Variants in CLMN observed in about 807,000 individuals in gnomAD.
CLMN encodes the protein calmin (calponin-like, transmembrane).
A neutral mutation model predicts 92.7 loss-of-function variants in CLMN; 57 were observed. That is an observed-to-expected ratio of 0.61 (90% CI 0.50 to 0.77). The LOEUF (loss-of-function observed/expected upper bound fraction) is 0.77, where lower values mean the gene tolerates loss of function less well. CLMN is among the 30% of genes least tolerant of loss of function. The pLI is 0.00. For missense variants in CLMN, 1,158 were observed against 1,237.5 expected, an observed-to-expected ratio of 0.94 and a Z score of 0.96; for synonymous variants, 466 against 470.6, an observed-to-expected ratio of 0.99 and a Z score of 0.13.
At chr14:95,233,403 C>T (rs991095199) in intron 1 of CLMN, among the ~76,000 whole-genome samples, 5 of 151,808 alleles carry the variant, frequency 3.3e-5, no homozygotes, top group Admixed American at 3.3e-4. Context: ...ATTTATCCAT[C>T]CATTCATCCA....
Position 95,319,803 on chromosome 14 carries a change from C to G in CLMN, c.-11G>C, listed in dbSNP as rs780722872. ...CTCGTGTGCAGCCATGAAGCGCGGG[C>G]GGGAGAGCCCGGGCCAGCGCGGCGC... On this transcript the variant is annotated 5_prime_UTR_variant, in exon 1 of 13. Coordinates refer to ENST00000298912, the MANE Select transcript of CLMN (RefSeq NM_024734.4). 2 of 1,493,310 alleles carry G rather than the reference C, an allele frequency of 1.3e-6. No individual in the cohort carries two copies. The highest frequency in any genetic ancestry group is 1.8e-6 in the Non-Finnish European group (2 of 1,119,704). The allele number at this position is 1,493,310 out of a possible 1,614,324, so 92.5% of individuals were successfully genotyped here. A position where few individuals can be genotyped will look rare whatever the true frequency, so the allele number is the denominator to read the frequency against.
At chr14:95,230,201 C>G in intron 1 of CLMN, 68 bp from the exon 2 acceptor site, 28 of 1,386,564 alleles carry the variant, frequency 2.0e-5, no homozygotes, top group Non-Finnish European at 2.5e-5. Context: ...CTTCCCCTTC[C>G]CAAGGGGAGA....
rs967646275 is a variant in CLMN at position 95,184,514 on chromosome 14, G to A, written c.*7050C>T. 1 of 152,180 alleles carries A rather than the reference G, an allele frequency of 6.6e-6. No homozygotes were observed. The highest frequency in any genetic ancestry group is 2.4e-5 in the African/African-American group (1 of 41,450). 9.4% of individuals were successfully genotyped at this position (152,180 alleles called of 1,614,324 possible). A position where few individuals can be genotyped will look rare whatever the true frequency, so the allele number is the denominator to read the frequency against. On this transcript the variant is annotated 3_prime_UTR_variant, in exon 13 of 13. Coordinates refer to ENST00000298912, the MANE Select transcript of CLMN (RefSeq NM_024734.4). ...TTGTCTTTTTCCCATAGACAAGAAT[G>A]TTTTTTGGCATGTTGCTCCAGCCCT...
At chr14:95,298,721 G>A (rs1003310632) in intron 1 of CLMN, among the ~76,000 whole-genome samples, 3 of 152,202 alleles carry the variant, frequency 2.0e-5, no homozygotes, top group African/African-American at 4.8e-5. Context: ...GAAGACAGCA[G>A]GAGAGACAGA....
chr14:95,238,111 G>GCCC (rs1566886285), intron 1 of CLMN, among the ~76,000 whole-genome samples: 2 of 152,094 alleles, frequency 1.3e-5, no homozygotes, highest in Admixed American at 6.5e-5. Context: ...CCCTCAGACG[G>GCCC]CCCCTGCCTG....
intron 1 of CLMN, among the ~76,000 whole-genome samples, chr14:95,318,449 C>T (rs1901890550): frequency 6.6e-6 from 1 of 152,198 alleles, no homozygotes; most frequent in South Asian, 2.1e-4. Context: ...GTCACCTCTG[C>T]CGGCACTGTC....
intron 2 of CLMN, among the ~76,000 whole-genome samples, chr14:95,225,017 C>T (rs548622662): frequency 1.8e-3 from 270 of 152,190 alleles, no homozygotes; most frequent in Non-Finnish European, 3.0e-3. Context: ...CCTCACCCCA[C>T]GTGTGTAGAC....
At chr14:95,288,445 AG>A (rs1385767943) in intron 1 of CLMN, among the ~76,000 whole-genome samples, 34 of 152,210 alleles carry the variant, frequency 2.2e-4, no homozygotes, top group Admixed American at 9.8e-4. Context: ...GCAAAGGCCG[AG>A]AGGTAAGACA....
Position 95,194,526 on chromosome 14 carries a change from A to G in CLMN, c.2769+10T>C, listed in dbSNP as rs1566856828. On this transcript the variant is annotated intron_variant, in intron 11 of 12. Coordinates refer to ENST00000298912, the MANE Select transcript of CLMN (RefSeq NM_024734.4). The surrounding 1 kb of genome is among the most constrained non-coding windows in gnomAD (Gnocchi z 4.0). ...GGCCGTGCGGAAAGAGAAGAAATTCACATACTAACCGATTCCGAAGACCTA... is the reference window on the plus strand; with the variant it reads ...GGCCGTGCGGAAAGAGAAGAAATTCGCATACTAACCGATTCCGAAGACCTA... The G allele has an allele frequency of 1.2e-6, 2 of 1,614,170 alleles. No homozygotes were observed. The highest frequency in any genetic ancestry group is 1.7e-6 in the Non-Finnish European group (2 of 1,179,998).
At chr14:95,213,486 T>A (rs955712203) in intron 5 of CLMN, 77 bp from the exon 6 acceptor site, 3 of 1,395,584 alleles carry the variant, frequency 2.1e-6, no homozygotes, top group Admixed American at 4.7e-5. Flanking sequence ...CGGGTGGCCA[T>A]ATGGACCATG....
intron 1 of CLMN, among the ~76,000 whole-genome samples, chr14:95,267,813 A>T (rs1899536158): frequency 6.6e-6 from 1 of 152,256 alleles, no homozygotes; most frequent in Admixed American, 6.5e-5. Flanking sequence ...AATGTGCTAT[A>T]TATACACACA....
At chr14:95,220,303 C>T (rs568619704) in intron 4 of CLMN, among the ~76,000 whole-genome samples, 7 of 151,440 alleles carry the variant, frequency 4.6e-5, no homozygotes, top group South Asian at 2.1e-4. Context: ...CAGCCTCCCT[C>T]GTAGCTAGGA....
intron 1 of CLMN, among the ~76,000 whole-genome samples, chr14:95,233,307 T>C (rs893822127): frequency 6.6e-6 from 1 of 152,046 alleles, no homozygotes; most frequent in African/African-American, 2.4e-5. Flanking sequence ...AACTCATCTA[T>C]CCATCCATCC....
chr14:95,253,042 C>G (rs564240341), intron 1 of CLMN, among the ~76,000 whole-genome samples: 163 of 152,184 alleles, frequency 1.1e-3, no homozygotes, highest in Middle Eastern at 0.01. Flanking sequence ...TTTTAGGAAC[C>G]CCCCTGAACT....
chr14:95,200,550 C>T (rs1896848816), intron 9 of CLMN, among the ~76,000 whole-genome samples: 1 of 152,158 alleles, frequency 6.6e-6, no homozygotes, highest in Non-Finnish European at 1.5e-5. Flanking sequence ...GACTCACCTC[C>T]TGGATCCCCA....
At chr14:95,210,971 G>C (rs1897182489) in intron 6 of CLMN, 92 bp from the exon 7 acceptor site, 9 of 1,351,492 alleles carry the variant, frequency 6.7e-6, no homozygotes, top group South Asian at 1.5e-5. Flanking sequence ...GTGAGTTTTT[G>C]AGTGGGGCAG....
chr14:95,204,049 TGTAG>T lies in CLMN; in HGVS notation c.1296_1299del (p.Tyr433ArgfsTer24). 1 of 1,614,162 alleles carries T rather than the reference TGTAG, an allele frequency of 6.2e-7. No individual in the cohort carries two copies. Among genetic ancestry groups the T allele is most frequent in the Non-Finnish European group, 8.5e-7 (1 of 1,180,028 alleles). ...AGGTTCTTACTGCAGAAAGGATCCT[TGTAG>T]GTGTCAGCCTCAAAGTGAACTGTTT... On this transcript the variant is annotated frameshift_variant, in exon 9 of 13. Transcript: ENST00000298912. LOFTEE classifies it high-confidence loss of function.
chr14:95,203,502 T>C lies in CLMN; in HGVS notation c.1847A>G (p.Lys616Arg). 1 of 1,614,204 alleles carries C rather than the reference T, an allele frequency of 6.2e-7. No individual in the cohort carries two copies. The highest frequency in any genetic ancestry group is 8.5e-7 in the Non-Finnish European group (1 of 1,180,042). ...AACTTGAGGCTCTGGCGAATCCTTC[T>C]TTTTGTGAGCAGATTTAATACTCCT... is the stretch of plus-strand genomic sequence containing the variant. ...GKRSIKSAHK[K>R]KDSPEPQVKM... The change falls in exon 9 of 13, where the codon AAG becomes AGG. Residue 616 changes from lysine to arginine, a missense_variant. Physicochemically the swap from Lys to Arg is conservative, Grantham distance 26. Transcript: ENST00000298912.
rs1896344396 is a variant in CLMN, at chr14:95,182,215, C to A, written c.*9349G>T. 6.6e-6 allele frequency: 1 copy of A among 152,072 alleles called. No homozygotes were observed. Among genetic ancestry groups the A allele is most frequent in the Non-Finnish European group, 1.5e-5 (1 of 68,008 alleles). The allele number at this position is 152,072 out of a possible 1,614,324, so 9.4% of individuals were successfully genotyped here. A position where few individuals can be genotyped will look rare whatever the true frequency, so the allele number is the denominator to read the frequency against. On this transcript the variant is annotated 3_prime_UTR_variant, in exon 13 of 13. Transcript: ENST00000298912. Reference sequence around the variant, plus strand: ...ATATCCTAAATAGACAAAAATAATCCTTGTACTACAAAATAACATTTCATT... The same window carrying A: ...ATATCCTAAATAGACAAAAATAATCATTGTACTACAAAATAACATTTCATT...
Sources: allele counts gnomAD v4.1 joint callset (sites outside exome capture counted in the v4.1 genomes callset), GRCh38; gene constraint gnomAD v4.1.1; non-coding constraint Gnocchi (gnomAD v3.1); transcripts MANE v1.5; gene names NCBI Gene and HGNC (gene_info 2026-07-23, HGNC 2026-07-21).